The following HTR2C variants were observed in gnomAD, a reference collection of about 807,000 sequenced individuals.
HTR2C encodes the protein 5-hydroxytryptamine receptor 2C, also known as 5-hydroxytryptamine (serotonin) receptor 2C, G protein-coupled.
HTR2C carries 5 observed loss-of-function variants against 21.0 expected under a neutral mutation model. The observed-to-expected ratio is 0.24, with a 90% CI of 0.12 to 0.50. HTR2C has a LOEUF of 0.50. Ranked by LOEUF, HTR2C falls within the 20% of genes least tolerant of loss-of-function variation. The probability of loss-of-function intolerance (pLI) is 0.98; values close to 1 mark genes in which losing one functional copy is unlikely to be tolerated. For synonymous variants in HTR2C, 150 were observed against 145.3 expected (o/e 1.03, Z -0.23); for missense variants, 271 against 371.2 (o/e 0.73, Z 2.22).
chrX:114,872,336 T>C (rs1247367715), intron 5 of HTR2C, among the ~76,000 whole-genome samples: 1 of 111,168 alleles, frequency 9.0e-6, no homozygotes, highest in African/African-American at 3.2e-5. Context: ...TTTCTTTCTT[T>C]TTGCTTACTT....
At chrX:114,839,721 AC>A (rs1298135579) in intron 4 of HTR2C, among the ~76,000 whole-genome samples, 1 of 109,377 alleles carries the variant, frequency 9.1e-6, no homozygotes, top group Non-Finnish European at 1.9e-5. Context: ...ACAAAACAAA[AC>A]AAAAAGTCTT....
intron 2 of HTR2C, among the ~76,000 whole-genome samples, chrX:114,642,916 A>G (rs921229212): frequency 8.9e-6 from 1 of 111,808 alleles, no homozygotes. Context: ...TTAGCCCCCA[A>G]TGATTTTATA....
At chrX:114,759,195 A>T (rs1047551818) in intron 4 of HTR2C, among the ~76,000 whole-genome samples, 1 of 111,578 alleles carries the variant, frequency 9.0e-6, no homozygotes, top group Non-Finnish European at 1.9e-5. Flanking sequence ...TTGCATGTCA[A>T]ACTTTTCAGA....
chrX:114,886,868 A>T (rs181025766), intron 5 of HTR2C, among the ~76,000 whole-genome samples: 1 of 111,484 alleles, frequency 9.0e-6, no homozygotes, highest in African/African-American at 3.3e-5. Context: ...AGCCCATTAT[A>T]GCTTTGCCCC....
rs12385201 is a variant in HTR2C, at chrX:114,807,417, C to A, written c.350-40586C>A. On this transcript the variant is annotated intron_variant, in intron 4 of 5. Coordinates refer to ENST00000276198, the MANE Select transcript of HTR2C (RefSeq NM_000868.4). Reference sequence around the variant, plus strand: ...TCTATACCATATATATACGCCATATCTATACCATATATATACGCCATATAT... The same window carrying A: ...TCTATACCATATATATACGCCATATATATACCATATATATACGCCATATAT... 8.7e-4 allele frequency among the ~76,000 whole-genome samples: 73 copies of A among 83,508 alleles called. 7 individuals carry two copies. Among genetic ancestry groups the A allele is most frequent in the African/African-American group, 2.7e-3 (49 of 18,087 alleles). The allele number at this position is 83,508 out of a possible 115,157, so 72.5% of individuals were successfully genotyped here. A position where few individuals can be genotyped will look rare whatever the true frequency, so the allele number is the denominator to read the frequency against.
At chrX:114,604,085 A>G (rs1175197398) in intron 1 of HTR2C, among the ~76,000 whole-genome samples, 2 of 107,508 alleles carry the variant, frequency 1.9e-5, no homozygotes, top group Non-Finnish European at 3.8e-5. Context: ...TTTTAATGAG[A>G]TGGTAAGGGG....
chrX:114,613,433 G>T (rs1556399168), intron 1 of HTR2C, among the ~76,000 whole-genome samples: 1 of 110,799 alleles, frequency 9.0e-6, no homozygotes, highest in African/African-American at 3.3e-5. Flanking sequence ...GGTTTTGGTG[G>T]GTTTTAGCTG....
intron 2 of HTR2C, among the ~76,000 whole-genome samples, chrX:114,645,481 T>TAA (rs199662793): frequency 9.2e-6 from 1 of 108,621 alleles, no homozygotes; most frequent in Admixed American, 9.9e-5. Context: ...AACGTAATAA[T>TAA]AAAAAAAATG....
chrX:114,813,298 A>G (rs1416907625), intron 4 of HTR2C, among the ~76,000 whole-genome samples: 1 of 111,782 alleles, frequency 8.9e-6, no homozygotes, highest in African/African-American at 3.3e-5. Context: ...CCAGAGTAGG[A>G]TAACATAGTT....
intron 2 of HTR2C, among the ~76,000 whole-genome samples, chrX:114,623,210 T>C (rs1377371100): frequency 8.9e-6 from 1 of 112,242 alleles, no homozygotes; most frequent in Non-Finnish European, 1.9e-5. Context: ...ATATGAGGCC[T>C]AGGGGCTTAA....
chrX:114,704,823 C>A (rs1224874135), intron 2 of HTR2C, among the ~76,000 whole-genome samples: 2 of 108,109 alleles, frequency 1.8e-5, no homozygotes, highest in Non-Finnish European at 1.9e-5. Context: ...GTCTCAGCCC[C>A]AAATCTCCTT....
chrX:114,721,587 T>A (rs1446976115), intron 2 of HTR2C, among the ~76,000 whole-genome samples: 1 of 106,878 alleles, frequency 9.4e-6, no homozygotes, highest in African/African-American at 3.4e-5. Flanking sequence ...CATGAAGTCC[T>A]TGCCCATGCC....
intron 4 of HTR2C, among the ~76,000 whole-genome samples, chrX:114,750,945 T>C (rs2069755773): frequency 9.0e-6 from 1 of 111,693 alleles, no homozygotes; most frequent in Non-Finnish European, 1.9e-5. Context: ...TATGAAATTA[T>C]TGGACTAGAG....
rs2069718690 is a variant in HTR2C at position 114,747,618 on chromosome X, G to T, written c.349+16011G>T. On this transcript the variant is annotated intron_variant, in intron 4 of 5. Transcript: ENST00000276198. ...AGAAGTGATTGGATGCTACTTCTGA[G>T]ATTACGTTATAAAAGACTGTGACTT... is the stretch of plus-strand genomic sequence containing the variant. Among the ~76,000 whole-genome samples the T allele has an allele frequency of 2.7e-5, 3 of 112,247 alleles. No homozygotes were observed. The South Asian group carries it at 1.1e-3, about 41-fold the overall frequency.
intron 4 of HTR2C, among the ~76,000 whole-genome samples, chrX:114,833,531 G>T (rs1379547063): frequency 6.3e-5 from 7 of 110,820 alleles, no homozygotes; most frequent in African/African-American, 2.3e-4. Context: ...GTATTTCGGT[G>T]GGATTAGTGG....
intron 5 of HTR2C, among the ~76,000 whole-genome samples, chrX:114,896,225 A>T (rs1389871719): frequency 1.8e-5 from 2 of 111,798 alleles, no homozygotes; most frequent in Non-Finnish European, 3.8e-5. Flanking sequence ...GTTGCTAAGA[A>T]CATACTATAT....
At chrX:114,640,936 C>A (rs1602656621) in intron 2 of HTR2C, among the ~76,000 whole-genome samples, 1 of 36,289 alleles carries the variant, frequency 2.8e-5, no homozygotes, top group East Asian at 2.5e-3. Context: ...CTCCCCCTCC[C>A]TCCTTCTTTC....
chrX:114,764,400 C>CAAAAAAAAAA (rs375720855), intron 4 of HTR2C, among the ~76,000 whole-genome samples: 1 of 39,031 alleles, frequency 2.6e-5, no homozygotes, highest in African/African-American at 7.2e-5. Flanking sequence ...AACTCCATCT[C>CAAAAAAAAAA]AAAAAAAAAA....
chrX:114,693,819 T>A (rs1329397800), intron 2 of HTR2C, among the ~76,000 whole-genome samples: 1 of 111,680 alleles, frequency 9.0e-6, no homozygotes, highest in Non-Finnish European at 1.9e-5. Context: ...ATGAACGTCA[T>A]GGGAAGAACA....
Sources: gnomAD v4.1 joint callset for allele counts (sites outside exome capture counted in the v4.1 genomes callset) on GRCh38, gnomAD v4.1.1 for gene constraint, MANE v1.5 for transcripts, NCBI Gene and HGNC (gene_info 2026-07-23, HGNC 2026-07-21) for gene names.